Variants in DYNC2H1 observed in about 807,000 individuals in gnomAD.
DYNC2H1 encodes the protein cytoplasmic dynein 2 heavy chain 1.
A neutral mutation model predicts 570.0 loss-of-function variants in DYNC2H1; 410 were observed. The ratio of observed to expected loss-of-function variants is 0.72; its 90% CI spans 0.66 to 0.78. The LOEUF is 0.78. Ranked by LOEUF, DYNC2H1 falls within the 30% of genes least tolerant of loss-of-function variation. The pLI, the probability that DYNC2H1 is intolerant of heterozygous loss-of-function variation, is 0.00. For missense variants in DYNC2H1, 4,865 were observed against 5,046.4 expected (o/e 0.96, Z 1.09); for synonymous variants, 1,688 against 1,677.6 (o/e 1.01, Z -0.15).
At chr11:103,322,821 C>G (rs1650588562) in intron 81 of DYNC2H1, among the ~76,000 whole-genome samples, 2 of 152,148 alleles carry the variant, frequency 1.3e-5, no homozygotes, top group Non-Finnish European at 2.9e-5. Context: ...CTGAATGTTT[C>G]CCACGATAAT....
At chr11:103,367,363 C>T (rs1591637713) in intron 83 of DYNC2H1, among the ~76,000 whole-genome samples, 1 of 152,216 alleles carries the variant, frequency 6.6e-6, no homozygotes, top group East Asian at 1.9e-4. Context: ...TTAAAATCAT[C>T]TAGGACACCT....
At chr11:103,198,791 T>C (rs1009782730) in intron 48 of DYNC2H1, among the ~76,000 whole-genome samples, 1 of 152,138 alleles carries the variant, frequency 6.6e-6, no homozygotes, top group African/African-American at 2.4e-5. Context: ...CTGTGTTAGC[T>C]TTTGATTCAT....
At position 103,168,963 on chromosome 11, in the gene DYNC2H1, A is replaced by G; in HGVS notation, c.4968+3A>G. 2 of 1,600,340 alleles carry G rather than the reference A, an allele frequency of 1.2e-6. No individual in the cohort carries two copies. Among genetic ancestry groups the G allele is most frequent in the East Asian group, 2.3e-5 (1 of 44,312 alleles). On this transcript the variant is annotated splice_donor_region_variant and intron_variant, in intron 32 of 88. Transcript: ENST00000375735. ...TTCAGTATACTTATGAATATCAGGT[A>G]TGAGTTGTGGCAGTGTTTTATATTT...
rs1439022435 is a variant in DYNC2H1, at chr11:103,133,773, A to C, written c.2106+66A>C. 1 of 1,427,922 alleles carries C rather than the reference A, an allele frequency of 7.0e-7. No individual in the cohort carries two copies. The highest frequency in any genetic ancestry group is 9.3e-7 in the Non-Finnish European group (1 of 1,069,840). The allele number at this position is 1,427,922 out of a possible 1,614,324, so 88.5% of individuals were successfully genotyped here. ...TTATTTAAAAAGTCATTAAGATACA[A>C]TTTTTAAAAACTTATTTTGAAATAA... is the stretch of plus-strand genomic sequence containing the variant. On this transcript the variant is annotated intron_variant, in intron 14 of 88. Transcript: ENST00000375735. The surrounding 1 kb of genome is among the most constrained non-coding windows in gnomAD (Gnocchi z 4.8).
In DYNC2H1 at chr11:103,181,857, G is replaced by A. The variant is rs1237877395; in HGVS notation, c.6448G>A (p.Glu2150Lys). 6.2e-7 allele frequency: 1 copy of A among 1,604,640 alleles called. No individual in the cohort carries two copies. The highest frequency in any genetic ancestry group is 1.7e-5 in the Admixed American group (1 of 59,144). ...TGAAAATTGGATTGGAGATTATTTTGAAAAGGCTTTACAATGGGTTCTAAA... is the reference window on the plus strand; with the variant it reads ...TGAAAATTGGATTGGAGATTATTTTAAAAAGGCTTTACAATGGGTTCTAAA... ...NLENWIGDYF[E>K]KALQWVLKQN... The change falls in exon 40 of 89, where the codon GAA becomes AAA. Residue 2150 changes from glutamate to lysine, a missense_variant. By Grantham distance (56) the Glu-to-Lys change is moderately conservative. Around this residue, in one of 5 missense-constraint regions of DYNC2H1, gnomAD observed 231 missense variants for 310.3 expected, o/e 0.74. Transcript: ENST00000375735. This position sits in a 1 kb window ranked among gnomAD's most constrained non-coding sequence, Gnocchi z 5.0.
intron 87 of DYNC2H1, among the ~76,000 whole-genome samples, chr11:103,456,576 A>G (rs971656463): frequency 6.6e-6 from 1 of 152,212 alleles, no homozygotes; most frequent in Non-Finnish European, 1.5e-5. Flanking sequence ...TTGGGGATAC[A>G]ATATTTGAAA....
intron 83 of DYNC2H1, among the ~76,000 whole-genome samples, chr11:103,381,942 T>G (rs986483394): frequency 6.6e-6 from 1 of 152,234 alleles, no homozygotes; most frequent in African/African-American, 2.4e-5. Context: ...GTGTAATTTT[T>G]CCTGGTATTC....
At chr11:103,233,559 G>A (rs1263222421) in intron 60 of DYNC2H1, among the ~76,000 whole-genome samples, 1 of 151,768 alleles carries the variant, frequency 6.6e-6, no homozygotes, top group Non-Finnish European at 1.5e-5. Flanking sequence ...TGTGGGGTGA[G>A]GAAGGGTGTG....
intron 65 of DYNC2H1, among the ~76,000 whole-genome samples, chr11:103,251,061 T>C (rs1864810150): frequency 6.6e-6 from 1 of 152,090 alleles, no homozygotes; most frequent in South Asian, 2.1e-4. Context: ...GTTTGTTAAT[T>C]GTGATGTTCA....
chr11:103,288,910 G>T (rs1467842834), intron 75 of DYNC2H1, among the ~76,000 whole-genome samples: 1 of 144,468 alleles, frequency 6.9e-6, no homozygotes, highest in South Asian at 2.2e-4. Context: ...AGAAAATTAT[G>T]GTTTAGGGGT....
At chr11:103,276,418 A>T (rs1352559602) in intron 70 of DYNC2H1, among the ~76,000 whole-genome samples, 1 of 152,118 alleles carries the variant, frequency 6.6e-6, no homozygotes, top group Non-Finnish European at 1.5e-5. Context: ...GTATTACAAT[A>T]TGGGAAAAGC....
intron 59 of DYNC2H1, among the ~76,000 whole-genome samples, chr11:103,227,159 A>AT (rs561840952): frequency 1.3e-4 from 19 of 148,332 alleles, no homozygotes; most frequent in Admixed American, 2.7e-4. Context: ...TATCTTTTGT[A>AT]TTTTTTTTGT....
chr11:103,345,105 G>A (rs1939675370), intron 82 of DYNC2H1, among the ~76,000 whole-genome samples: 1 of 152,204 alleles, frequency 6.6e-6, no homozygotes, highest in African/African-American at 2.4e-5. Context: ...TTATAAAGCA[G>A]TGTTGCAAGG....
chr11:103,360,645 GTCAT>G (rs938087974), intron 83 of DYNC2H1, among the ~76,000 whole-genome samples: 3 of 151,930 alleles, frequency 2.0e-5, no homozygotes, highest in African/African-American at 7.3e-5. Context: ...TTATTGGTCT[GTCAT>G]TCATTCAGAA....
At chr11:103,278,712 G>A (rs778563703) in intron 70 of DYNC2H1, among the ~76,000 whole-genome samples, 14 of 152,086 alleles carry the variant, frequency 9.2e-5, no homozygotes, top group Non-Finnish European at 1.5e-4. Flanking sequence ...AACTATAGGC[G>A]CATGCCATCA....
rs947354987 is a variant in DYNC2H1, at chr11:103,163,870, TA to T, written c.4611+732del. Among the ~76,000 whole-genome samples, 74 of 151,280 alleles carry T rather than the reference TA, an allele frequency of 4.9e-4. No individual in the cohort carries two copies. The highest frequency in any genetic ancestry group is 1.7e-3 in the African/African-American group (70 of 41,288). Reference sequence around the variant, plus strand: ...CTCTCAAAGTTATTTGCTTTTCAAATAAAAAAAAATGTAGTGGCTATTGGAA... The same window carrying T: ...CTCTCAAAGTTATTTGCTTTTCAAATAAAAAAAATGTAGTGGCTATTGGAA... On this transcript the variant is annotated intron_variant, in intron 30 of 88. Coordinates refer to ENST00000375735, the MANE Select transcript of DYNC2H1 (RefSeq NM_001377.3). This position sits in a 1 kb window ranked among gnomAD's most constrained non-coding sequence, Gnocchi z 4.6.
rs753418235 is a variant in DYNC2H1 at position 103,176,412 on chromosome 11, A to G, written c.5852A>G (p.Asn1951Ser). 10 of 1,545,834 alleles carry G rather than the reference A, an allele frequency of 6.5e-6. No individual in the cohort carries two copies. Among genetic ancestry groups the G allele is most frequent in the Middle Eastern group, 1.7e-4 (1 of 5,922 alleles). ...TTAAAGCAGGTCTTTGAAGAGGCCAATTATGAAATTATACCCAATCAGGTA... is the reference window on the plus strand; with the variant it reads ...TTAAAGCAGGTCTTTGAAGAGGCCAGTTATGAAATTATACCCAATCAGGTA... Reference protein sequence around the residue: ...AALKQVFEEANYEIIPNQIKK... With the variant: ...AALKQVFEEASYEIIPNQIKK... Residue 1951 changes from asparagine (N) to serine (S), a missense_variant, in exon 37 of 89, where the codon AAT (asparagine) becomes AGT (serine). Coordinates refer to ENST00000375735, the MANE Select transcript of DYNC2H1 (RefSeq NM_001377.3).
intron 5 of DYNC2H1, 51 bp downstream of exon 5, chr11:103,116,765 G>A: frequency 6.6e-7 from 1 of 1,521,876 alleles, no homozygotes; most frequent in Non-Finnish European, 8.8e-7. Flanking sequence ...GTCTTATTTT[G>A]TTATCTTTTT....
At chr11:103,293,245 C>T (rs141196865) in intron 75 of DYNC2H1, among the ~76,000 whole-genome samples, 193 of 152,230 alleles carry the variant, frequency 1.3e-3, no homozygotes, top group African/African-American at 4.3e-3. Context: ...TGTCATCCCC[C>T]TCCCTCATGG....
Sources: allele counts gnomAD v4.1 joint callset (sites outside exome capture counted in the v4.1 genomes callset), GRCh38; gene constraint gnomAD v4.1.1; regional missense constraint gnomAD v4.1.1; non-coding constraint Gnocchi (gnomAD v3.1); transcripts MANE v1.5; gene names NCBI Gene and HGNC (gene_info 2026-07-23, HGNC 2026-07-21).